SAMSN1: variants seen among roughly 807,000 people sequenced by gnomAD.
The protein encoded by SAMSN1 is SAM domain-containing protein SAMSN-1.
A neutral mutation model predicts 42.0 loss-of-function variants in SAMSN1; 31 were observed. The observed-to-expected ratio is 0.74, with a 90% CI of 0.55 to 1.00. SAMSN1 has a LOEUF of 1.00. Among genes scored for constraint, SAMSN1 ranks in the 50% least tolerant of loss-of-function variants. The probability of loss-of-function intolerance (pLI) is 0.00; values close to 1 mark genes in which losing one functional copy is unlikely to be tolerated. For synonymous variants in SAMSN1, 178 were observed against 151.9 expected, an observed-to-expected ratio of 1.17 and a Z score of -1.26; for missense variants, 464 against 439.4, an observed-to-expected ratio of 1.06 and a Z score of -0.50.
At chr21:14,634,895 C>T (rs1600976665) in intron 2 of SAMSN1, among the ~76,000 whole-genome samples, 1 of 152,302 alleles carries the variant, frequency 6.6e-6, no homozygotes, top group African/African-American at 2.4e-5. Flanking sequence ...ACGTTTATTA[C>T]AGCACTATTC....
chr21:14,585,495 TC>T (rs1981890316), upstream of SAMSN1: 1 of 152,180 alleles, frequency 6.6e-6, no homozygotes, highest in African/African-American at 2.4e-5. Context: ...TAAATGATTT[TC>T]CCCCAAGAGG....
Position 14,572,471 on chromosome 21 carries a change from T to A in SAMSN1, c.261+9665A>T, listed in dbSNP as rs1312555653. Reference sequence around the variant, plus strand: ...GGTTATTTATAGATCTACTGCAAAATTTAAAGACAACTTAGTGATGGGAAA... The same window carrying A: ...GGTTATTTATAGATCTACTGCAAAAATTAAAGACAACTTAGTGATGGGAAA... On this transcript the variant is annotated intron_variant, in intron 2 of 8. Transcript: ENST00000285670. 3.4e-4 allele frequency among the ~76,000 whole-genome samples: 52 copies of A among 152,172 alleles called. 1 individual carries two copies. Among genetic ancestry groups the A allele is most frequent in the Admixed American group, 3.4e-3 (52 of 15,246 alleles).
At chr21:14,588,932 T>C (rs1044172835) in intron 7 of SAMSN1, among the ~76,000 whole-genome samples, 1 of 152,298 alleles carries the variant, frequency 6.6e-6, no homozygotes, top group South Asian at 2.1e-4. Context: ...AAAATGGTAA[T>C]TATATGTTAA....
At chr21:14,572,129 C>CA (rs1981320850) in intron 2 of SAMSN1, among the ~76,000 whole-genome samples, 1 of 152,036 alleles carries the variant, frequency 6.6e-6, no homozygotes, top group East Asian at 1.9e-4. Context: ...TACTGAATGA[C>CA]AAATAATTAG....
intron 2 of SAMSN1, among the ~76,000 whole-genome samples, chr21:14,574,155 C>G (rs1469695062): frequency 6.6e-6 from 1 of 152,098 alleles, no homozygotes; most frequent in Non-Finnish European, 1.5e-5. Context: ...GTAAAAAGGA[C>G]ATTTAGGTCT....
intron 6 of SAMSN1, among the ~76,000 whole-genome samples, chr21:14,500,069 C>T (rs1411139640): frequency 1.1e-4 from 16 of 152,090 alleles, no homozygotes; most frequent in Admixed American, 8.5e-4. Context: ...TGATGATCAC[C>T]GTTTCCCTCA....
At chr21:14,537,866 T>C (rs1025341375) in intron 1 of SAMSN1, among the ~76,000 whole-genome samples, 2 of 152,178 alleles carry the variant, frequency 1.3e-5, no homozygotes. Context: ...GACTGGAAAA[T>C]GCACATGGCT....
chr21:14,617,139 A>AT (rs1056246743), intron 2 of SAMSN1, among the ~76,000 whole-genome samples: 1 of 152,164 alleles, frequency 6.6e-6, no homozygotes, highest in Non-Finnish European at 1.5e-5. Context: ...CCCATAGGAC[A>AT]TTGCTTGTAG....
rs1987623645 is a variant in SAMSN1 at position 14,510,234 on chromosome 21, C to T, written c.561+76G>A. ...ACACACTCACACTGTCTTCCCACTGCTTATACTTGCTGAAACAGATCATAT... is the reference window on the plus strand; with the variant it reads ...ACACACTCACACTGTCTTCCCACTGTTTATACTTGCTGAAACAGATCATAT... On this transcript the variant is annotated intron_variant, in intron 5 of 7. Coordinates refer to ENST00000400566, the MANE Select transcript of SAMSN1 (RefSeq NM_022136.5). 7.7e-6 allele frequency: 11 copies of T among 1,423,814 alleles called. 1 individual carries two copies. The South Asian group carries it at 1.3e-4, about 17-fold the overall frequency. 88.2% of individuals were successfully genotyped at this position (1,423,814 alleles called of 1,614,324 possible).
intron 1 of SAMSN1, 143 bp downstream of exon 1, chr21:14,546,062 T>C: frequency 1.5e-6 from 1 of 669,728 alleles, no homozygotes; most frequent in Non-Finnish European, 2.4e-6. Context: ...AATTTAATTT[T>C]TCCGTATTTG....
chr21:14,557,501 CCT>C (rs1032461758), intron 2 of SAMSN1, among the ~76,000 whole-genome samples: 1 of 152,128 alleles, frequency 6.6e-6, no homozygotes, highest in African/African-American at 2.4e-5. Context: ...ATGTTCAACC[CCT>C]GTTTTCAAAG....
chr21:14,503,434 A>G (rs1463694039), intron 5 of SAMSN1, among the ~76,000 whole-genome samples: 1 of 152,192 alleles, frequency 6.6e-6, no homozygotes, highest in East Asian at 1.9e-4. Flanking sequence ...AACTCAGAAG[A>G]GAACCCTGAG....
chr21:14,594,342 T>C (rs1982191759), intron 6 of SAMSN1, among the ~76,000 whole-genome samples: 1 of 152,142 alleles, frequency 6.6e-6, no homozygotes, highest in Non-Finnish European at 1.5e-5. Flanking sequence ...GTGTGTGATA[T>C]GTGTATGTGT....
At chr21:14,546,445 A>G, upstream of SAMSN1, 1 of 923,958 alleles carries the variant, frequency 1.1e-6, no homozygotes, top group Non-Finnish European at 1.5e-6. Flanking sequence ...TCTTACAGTA[A>G]TTCTTTGGTA....
chr21:14,574,876 T>A (rs1981409585), intron 2 of SAMSN1, among the ~76,000 whole-genome samples: 1 of 152,176 alleles, frequency 6.6e-6, no homozygotes, highest in Admixed American at 6.5e-5. Context: ...TTCTACAAGC[T>A]CTTCTTTATC....
At chr21:14,636,338 C>T (rs1262737250) in intron 2 of SAMSN1, among the ~76,000 whole-genome samples, 1 of 151,918 alleles carries the variant, frequency 6.6e-6, no homozygotes, top group Non-Finnish European at 1.5e-5. Flanking sequence ...CTAATCAACC[C>T]CTCTTAATCT....
chr21:14,521,440 C>T (rs1000181893), intron 1 of SAMSN1, among the ~76,000 whole-genome samples: 1 of 152,076 alleles, frequency 6.6e-6, no homozygotes, highest in South Asian at 2.1e-4. Flanking sequence ...TTTGTCATAG[C>T]GTTAAGTAAG....
In SAMSN1 at chr21:14,561,626, T is replaced by C. The variant is rs1322674142; in HGVS notation, c.261+20510A>G. 2.0e-5 allele frequency among the ~76,000 whole-genome samples: 3 copies of C among 152,142 alleles called. No homozygotes were observed. The South Asian group carries it at 6.2e-4, about 31-fold the overall frequency. On this transcript the variant is annotated intron_variant, in intron 2 of 8. Transcript: ENST00000285670. ...TTGAACTATATGGCCAAAAAAGATA[T>C]GTTGAATTCCTGACCCCCAGCACCT...
At chr21:14,598,696 A>AT (rs1466798756) in intron 6 of SAMSN1, among the ~76,000 whole-genome samples, 3 of 152,200 alleles carry the variant, frequency 2.0e-5, no homozygotes, top group Admixed American at 2.0e-4. Context: ...TTTTGAGAAC[A>AT]TGAAGGAAAC....
Sources: gnomAD v4.1 joint callset for allele counts (sites outside exome capture counted in the v4.1 genomes callset) on GRCh38, gnomAD v4.1.1 for gene constraint, MANE v1.5 for transcripts, NCBI Gene and HGNC (gene_info 2026-07-23, HGNC 2026-07-21) for gene names.